The following RAB5IF variants were observed in gnomAD, a reference collection of about 807,000 sequenced individuals.
The protein encoded by RAB5IF is GEL complex subunit OPTI.
In RAB5IF, 15 loss-of-function variants were observed where a neutral mutation model predicts 20.3. The observed-to-expected ratio is 0.74, with a 90% CI of 0.50 to 1.14. The LOEUF is 1.14. Ranked by LOEUF, RAB5IF falls within the 50% of genes most tolerant of loss-of-function variation. The pLI is 0.00. For missense variants in RAB5IF, 148 were observed against 159.5 expected (o/e 0.93, Z 0.39); for synonymous variants, 67 against 63.7 (o/e 1.05, Z -0.25).
chr20:36,608,520 T>C (rs919820809), intron 2 of RAB5IF, among the ~76,000 whole-genome samples: 2 of 151,622 alleles, frequency 1.3e-5, no homozygotes, highest in Non-Finnish European at 2.9e-5. Flanking sequence ...GTTGGTATTA[T>C]AGGCATGAGT....
intron 3 of RAB5IF, among the ~76,000 whole-genome samples, chr20:36,611,400 C>T (rs919938464): frequency 1.4e-5 from 2 of 146,876 alleles, no homozygotes; most frequent in African/African-American, 5.1e-5. Context: ...AGTTCGAGAC[C>T]AGCTTGGGCA....
chr20:36,609,859 C>T (rs1312961780), intron 3 of RAB5IF, 129 bp downstream of exon 3: 9 of 1,545,938 alleles, frequency 5.8e-6, no homozygotes, highest in Non-Finnish European at 8.0e-6. Context: ...TTCTGAGGCT[C>T]AGGGCCATGG....
chr20:36,610,898 G>A (rs1333683589), intron 3 of RAB5IF, among the ~76,000 whole-genome samples: 2 of 152,212 alleles, frequency 1.3e-5, no homozygotes, highest in African/African-American at 2.4e-5. Flanking sequence ...GGGATGGAGA[G>A]TAGCTGATAA....
In RAB5IF at chr20:36,609,156, T is replaced by TACATACATACATATATAC; in HGVS notation, c.219-442_219-441insTACATACATATATACACA. Among the ~76,000 whole-genome samples the TACATACATACATATATAC allele has an allele frequency of 8.8e-4, 15 of 17,052 alleles. 1 individual carries two copies. Among genetic ancestry groups the TACATACATACATATATAC allele is most frequent in the Non-Finnish European group, 1.1e-3 (10 of 8,886 alleles). The allele number at this position is 17,052 out of a possible 152,430, so 11.2% of individuals were successfully genotyped here. ...TTCAAGGGGCTTTGGAGAACTATAT[T>TACATACATACATATATAC]ACACACACACACACACACACACACA... On this transcript the variant is annotated intron_variant, in intron 2 of 3. Transcript: ENST00000344795.
At chr20:36,608,880 C>T (rs994916328) in intron 2 of RAB5IF, among the ~76,000 whole-genome samples, 7 of 151,642 alleles carry the variant, frequency 4.6e-5, no homozygotes, top group African/African-American at 1.7e-4. Context: ...CTGTTCCTAG[C>T]CCCCTAATTG....
rs1291177 is a variant in RAB5IF, at chr20:36,609,195, G to C, written c.219-406G>C. On this transcript the variant is annotated intron_variant, in intron 2 of 3. Coordinates refer to ENST00000344795, the MANE Select transcript of RAB5IF (RefSeq NM_018840.5). ...CACACACACACACACACACACACAC[G>C]CACACACGCACACACGCACACACGC... Among the ~76,000 whole-genome samples the C allele has an allele frequency of 1.8e-4, 6 of 34,040 alleles. 1 individual carries two copies. The highest frequency in any genetic ancestry group is 2.1e-3 in the East Asian group (2 of 946). 22.3% of individuals were successfully genotyped at this position (34,040 alleles called of 152,430 possible).
At chr20:36,609,255 ACT>A (rs1568595807) in intron 2 of RAB5IF, among the ~76,000 whole-genome samples, 7 of 116,432 alleles carry the variant, frequency 6.0e-5, no homozygotes, top group East Asian at 4.6e-4. Flanking sequence ...ACACACACAC[ACT>A]ATATATAGAG....
chr20:36,611,898 G>T, intron 3 of RAB5IF, 112 bp from the exon 4 acceptor site: 2 of 1,399,768 alleles, frequency 1.4e-6, no homozygotes, highest in Middle Eastern at 2.1e-4. Flanking sequence ...CTGTGCAACG[G>T]ATAGCCCCTG....
At chr20:36,610,855 A>G (rs754320789) in intron 3 of RAB5IF, among the ~76,000 whole-genome samples, 2 of 152,234 alleles carry the variant, frequency 1.3e-5, no homozygotes, top group African/African-American at 2.4e-5. Flanking sequence ...AGAGGCAAAA[A>G]GTAGATTAGT....
intron 3 of RAB5IF, 101 bp from the exon 4 acceptor site, chr20:36,611,909 G>A: frequency 6.7e-7 from 1 of 1,490,906 alleles, no homozygotes. Flanking sequence ...ATAGCCCCTG[G>A]AGAGTGCCCC....
intron 2 of RAB5IF, among the ~76,000 whole-genome samples, chr20:36,608,556 CTTTTT>C (rs34058641): frequency 0.021 from 2,199 of 104,900 alleles, 71 homozygotes; most frequent in African/African-American, 0.074. Flanking sequence ...CGGTCTCATT[CTTTTT>C]TTTTTTTTTT....
intron 2 of RAB5IF, among the ~76,000 whole-genome samples, chr20:36,608,654 C>G (rs182058991): frequency 6.7e-6 from 1 of 150,038 alleles, no homozygotes; most frequent in East Asian, 2.0e-4. Context: ...ACCTCTACCT[C>G]TCAGGTTCAA....
chr20:36,609,234 C>T lies in RAB5IF; in HGVS notation c.219-367C>T, dbSNP rs1279772069. On this transcript the variant is annotated intron_variant, in intron 2 of 3. Coordinates refer to ENST00000344795, the MANE Select transcript of RAB5IF (RefSeq NM_018840.5). ...ACGCACACACGCACACACACACACA[C>T]ACACACACACACACACACACACTAT... Among the ~76,000 whole-genome samples the T allele has an allele frequency of 9.0e-3, 1,177 of 130,092 alleles. 43 individuals carry two copies. The highest frequency in any genetic ancestry group is 0.036 in the African/African-American group (1,112 of 30,676). The allele number at this position is 130,092 out of a possible 152,430, so 85.3% of individuals were successfully genotyped here.
rs748547431 is a variant in RAB5IF at position 36,609,723 on chromosome 20, T to C, written c.341T>C (p.Leu114Ser). 1 of 1,614,204 alleles carries C rather than the reference T, an allele frequency of 6.2e-7. No homozygotes were observed. The highest frequency in any genetic ancestry group is 1.1e-5 in the South Asian group (1 of 91,084). The change falls in exon 3 of 4, where the codon TTG becomes TCG. Residue 114 changes from leucine (L) to serine (S), a missense_variant. Leu to Ser is a moderately radical substitution (Grantham distance 145). Transcript: ENST00000344795. Reference sequence around the variant, plus strand: ...GAAGGGTTTATGACCTCTTTTGCCTTGTTCATGGTATGTGTAGCTGATAGT... The same window carrying C: ...GAAGGGTTTATGACCTCTTTTGCCTCGTTCATGGTATGTGTAGCTGATAGT... ...TKEGFMTSFA[L>S]FMVIWIIFYT...
chr20:36,606,103 T>G (rs1288363190), intron 1 of RAB5IF, 38 bp downstream of exon 1: 2 of 1,243,420 alleles, frequency 1.6e-6, no homozygotes, highest in African/African-American at 1.6e-5. Context: ...GTGCGAGGAG[T>G]CGGCTGGGAC....
intron 3 of RAB5IF, 90 bp from the exon 4 acceptor site, chr20:36,611,920 G>A (rs537738895): frequency 2.6e-5 from 41 of 1,554,088 alleles, no homozygotes; most frequent in East Asian, 1.1e-4. Flanking sequence ...AGAGTGCCCC[G>A]TGTTTACATT....
rs1344238833 is a variant in RAB5IF, at chr20:36,609,185, A to C, written c.219-416A>C. On this transcript the variant is annotated intron_variant, in intron 2 of 3. Coordinates refer to ENST00000344795, the MANE Select transcript of RAB5IF (RefSeq NM_018840.5). ...CACACACACACACACACACACACAC[A>C]CACACACACGCACACACGCACACAC... 8.3e-5 allele frequency among the ~76,000 whole-genome samples: 4 copies of C among 47,952 alleles called. 2 individuals carry two copies. Among genetic ancestry groups the C allele is most frequent in the Non-Finnish European group, 1.6e-4 (4 of 24,628 alleles). 31.5% of individuals were successfully genotyped at this position (47,952 alleles called of 152,430 possible).
chr20:36,609,274 T>A (rs2039048451), intron 2 of RAB5IF, among the ~76,000 whole-genome samples: 2 of 146,942 alleles, frequency 1.4e-5, no homozygotes, highest in African/African-American at 2.5e-5. Context: ...AGAGTTTCGC[T>A]GTTGCCCAGG....
Position 36,612,176 on chromosome 20 carries a change from G to A in RAB5IF, c.*125G>A, listed in dbSNP as rs376043012. 1.2e-4 allele frequency: 201 copies of A among 1,614,176 alleles called. 1 individual carries two copies. In the South Asian group the frequency reaches 1.3e-3, roughly 10 times the overall value. Reference sequence around the variant, plus strand: ...GGAAGACCCGTGTTTCCTGGACCGCGAATCAGTGTGTTGGGCATCAGTGTT... The same window carrying A: ...GGAAGACCCGTGTTTCCTGGACCGCAAATCAGTGTGTTGGGCATCAGTGTT... On this transcript the variant is annotated 3_prime_UTR_variant, in exon 4 of 4. Transcript: ENST00000344795.
Sources: gnomAD v4.1 joint callset for allele counts (sites outside exome capture counted in the v4.1 genomes callset) on GRCh38, gnomAD v4.1.1 for gene constraint, MANE v1.5 for transcripts, NCBI Gene and HGNC (gene_info 2026-07-23, HGNC 2026-07-21) for gene names.